The following G3BP1 variants were observed in gnomAD, a reference collection of about 807,000 sequenced individuals.
The protein encoded by G3BP1 is ras GTPase-activating protein-binding protein 1.
G3BP1 carries 35 observed loss-of-function variants against 58.6 expected under a neutral mutation model. That is an observed-to-expected ratio of 0.60 (90% CI 0.46 to 0.79). G3BP1 has a LOEUF of 0.79. G3BP1 is among the 30% of genes least tolerant of loss of function. G3BP1 has a pLI of 0.00. For missense variants in G3BP1, 523 were observed against 580.8 expected, an observed-to-expected ratio of 0.90 and a Z score of 1.02; for synonymous variants, 191 against 195.4, an observed-to-expected ratio of 0.98 and a Z score of 0.19.
At chr5:151,801,783 T>C (rs1762854259) in intron 11 of G3BP1, among the ~76,000 whole-genome samples, 1 of 152,080 alleles carries the variant, frequency 6.6e-6, no homozygotes, top group African/African-American at 2.4e-5. Context: ...TTCTCCAGAA[T>C]GTTAATGGGC....
At chr5:151,777,116 A>ATT (rs1224836348) in intron 1 of G3BP1, among the ~76,000 whole-genome samples, 2 of 152,172 alleles carry the variant, frequency 1.3e-5, no homozygotes, top group Non-Finnish European at 2.9e-5. Context: ...GGAAAAATAG[A>ATT]TTGACAGTAG....
At chr5:151,793,045 T>G (rs969767009) in intron 4 of G3BP1, among the ~76,000 whole-genome samples, 1 of 152,078 alleles carries the variant, frequency 6.6e-6, no homozygotes, top group African/African-American at 2.4e-5. Flanking sequence ...TACCCTTGAG[T>G]GTTTATATCA....
chr5:151,794,159 G>T lies in G3BP1; in HGVS notation c.352G>T (p.Gly118Trp). The T allele has an allele frequency of 6.3e-7, 1 of 1,581,602 alleles. No homozygotes were observed. The highest frequency in any genetic ancestry group is 2.2e-5 in the East Asian group (1 of 44,716). Residue 118 changes from glycine to tryptophan, a missense_variant and splice_region_variant, in exon 5 of 12, where the codon GGG becomes TGG. Physicochemically the swap from Gly to Trp is radical, Grantham distance 184. Transcript: ENST00000356245. The stretch of plus-strand genomic sequence containing the variant: ...TTAAAACTTTCTGTTGGCATTGCAG[G>T]GGTCTGTTGCAAATAAATTCTATGT... ...FMQTFVLAPEGSVANKFYVHN... is the reference protein window; with the variant it reads ...FMQTFVLAPEWSVANKFYVHN...
Position 151,778,083 on chromosome 5 carries a change from G to A in G3BP1, c.-50+6047G>A, listed in dbSNP as rs571090946. On this transcript the variant is annotated intron_variant, in intron 1 of 11. Transcript: ENST00000356245. ...AACTTTGTGTACAAGTCTTTGTATG[G>A]GTATACGCCTTTATTTCTCTTGGGT... Among the ~76,000 whole-genome samples the A allele has an allele frequency of 8.5e-5, 13 of 152,198 alleles. No homozygotes were observed. In the East Asian group the frequency reaches 2.5e-3, roughly 29 times the overall value.
chr5:151,808,369 G>T lies in G3BP1; in HGVS notation c.*4278G>T, dbSNP rs1024772052. 6.6e-6 allele frequency: 1 copy of T among 152,096 alleles called. No individual in the cohort carries two copies. The highest frequency in any genetic ancestry group is 6.5e-5 in the Admixed American group (1 of 15,268). 9.4% of individuals were successfully genotyped at this position (152,096 alleles called of 1,614,324 possible). On this transcript the variant is annotated 3_prime_UTR_variant, in exon 12 of 12. Coordinates refer to ENST00000356245, the MANE Select transcript of G3BP1 (RefSeq NM_005754.3). The stretch of plus-strand genomic sequence containing the variant: ...TTCATGCTTTCATGTCTCAAATCAA[G>T]GCCTAAATGAGTAAAAAGATGATTA...
At position 151,792,001 on chromosome 5, in the gene G3BP1, A is replaced by G. The variant is rs375447314; in HGVS notation, c.351+939A>G. On this transcript the variant is annotated intron_variant, in intron 4 of 11. Transcript: ENST00000356245. Reference sequence around the variant, plus strand: ...GTAAATGAAGGATGGGAGATTCTCTATCTTTTTATCTTTCTTGAACACTTA... The same window carrying G: ...GTAAATGAAGGATGGGAGATTCTCTGTCTTTTTATCTTTCTTGAACACTTA... 935 of 423,482 alleles carry G rather than the reference A, an allele frequency of 2.2e-3. 14 individuals carry two copies. The highest frequency in any genetic ancestry group is 0.014 in the South Asian group (848 of 58,886). 26.2% of individuals were successfully genotyped at this position (423,482 alleles called of 1,614,324 possible).
At chr5:151,793,318 A>G (rs1762692779) in intron 4 of G3BP1, among the ~76,000 whole-genome samples, 1 of 152,240 alleles carries the variant, frequency 6.6e-6, no homozygotes, top group Middle Eastern at 3.4e-3. Flanking sequence ...CATATTGGCC[A>G]GGCTGGTCTT....
intron 2 of G3BP1, among the ~76,000 whole-genome samples, chr5:151,788,568 T>A (rs996097228): frequency 3.0e-5 from 2 of 67,518 alleles, no homozygotes; most frequent in African/African-American, 9.3e-5. Flanking sequence ...CCAGCTAAGT[T>A]TATATGTGTG....
chr5:151,785,090 T>C (rs1395718937), intron 1 of G3BP1, among the ~76,000 whole-genome samples: 1 of 152,238 alleles, frequency 6.6e-6, no homozygotes, highest in African/African-American at 2.4e-5. Flanking sequence ...AATGACGAAA[T>C]GATCCACCTG....
chr5:151,795,314 G>C (rs992068640), intron 5 of G3BP1, among the ~76,000 whole-genome samples, 165 bp from the exon 6 acceptor site: 3 of 152,134 alleles, frequency 2.0e-5, no homozygotes, highest in Non-Finnish European at 4.4e-5. Flanking sequence ...GTTCTTCAAA[G>C]CCTTAGTTCT....
intron 8 of G3BP1, among the ~76,000 whole-genome samples, 193 bp from the exon 9 acceptor site, chr5:151,799,696 A>AT (rs1762816737): frequency 6.6e-6 from 1 of 152,004 alleles, no homozygotes; most frequent in Non-Finnish European, 1.5e-5. Context: ...AAAAAAAAAA[A>AT]CCAACCCAAA....
chr5:151,795,043 C>T (rs747067458), intron 5 of G3BP1, among the ~76,000 whole-genome samples: 1 of 152,082 alleles, frequency 6.6e-6, no homozygotes, highest in Non-Finnish European at 1.5e-5. Context: ...TTTGGGAGGC[C>T]CAGGCGGGCA....
chr5:151,772,633 C>T (rs1367072403), intron 1 of G3BP1: 1 of 152,394 alleles, frequency 6.6e-6, no homozygotes, highest in Admixed American at 6.5e-5. Context: ...AGCCACTTTT[C>T]TGCCTTTCAT....
chr5:151,797,643 C>T (rs573313629), intron 7 of G3BP1, among the ~76,000 whole-genome samples: 14 of 152,248 alleles, frequency 9.2e-5, no homozygotes, highest in South Asian at 6.2e-4. Context: ...CTCCCTTCCC[C>T]GAGGTAACTT....
intron 1 of G3BP1, among the ~76,000 whole-genome samples, chr5:151,778,596 C>T (rs946419737): frequency 5.3e-5 from 8 of 152,028 alleles, no homozygotes; most frequent in African/African-American, 1.4e-4. Context: ...TATCCACCAC[C>T]ACACCCGGCT....
chr5:151,779,200 C>T (rs748002223), intron 1 of G3BP1, among the ~76,000 whole-genome samples: 3 of 152,108 alleles, frequency 2.0e-5, no homozygotes, highest in Admixed American at 6.6e-5. Flanking sequence ...GTGATCAATT[C>T]GCTTTCTTCT....
At chr5:151,773,519 C>T (rs1762314003) in intron 1 of G3BP1, among the ~76,000 whole-genome samples, 1 of 152,138 alleles carries the variant, frequency 6.6e-6, no homozygotes, top group Non-Finnish European at 1.5e-5. Flanking sequence ...GGGACTGGAG[C>T]TTATATTTTT....
chr5:151,782,558 G>C (rs1303830486), intron 1 of G3BP1, among the ~76,000 whole-genome samples: 1 of 152,012 alleles, frequency 6.6e-6, no homozygotes, highest in Admixed American at 6.6e-5. Flanking sequence ...AACATCCATT[G>C]GTGTATGCTG....
intron 5 of G3BP1, 106 bp from the exon 6 acceptor site, chr5:151,795,373 A>G (rs371948669): frequency 5.0e-5 from 33 of 657,472 alleles, no homozygotes; most frequent in African/African-American, 4.9e-4. Context: ...TACTTTGTTT[A>G]TTTATATATG....
Sources: allele counts gnomAD v4.1 joint callset (sites outside exome capture counted in the v4.1 genomes callset), GRCh38; gene constraint gnomAD v4.1.1; transcripts MANE v1.5; gene names NCBI Gene and HGNC (gene_info 2026-07-23, HGNC 2026-07-21).